Variants in CNR2 observed in about 807,000 individuals in gnomAD.
CNR2 encodes the protein cannabinoid receptor 2.
For synonymous variants in CNR2, 172 were observed against 182.2 expected, an observed-to-expected ratio of 0.94 and a Z score of 0.45; for missense variants, 379 against 439.9, an observed-to-expected ratio of 0.86 and a Z score of 1.24.
chr1:23,871,154 C>CAAAAAAAAAAA lies in CNR2; in HGVS notation c.*3370_*3380dup, dbSNP rs34781596. 1.4e-4 allele frequency: 8 copies of CAAAAAAAAAAA among 58,794 alleles called. No individual in the cohort carries two copies. Among genetic ancestry groups the CAAAAAAAAAAA allele is most frequent in the East Asian group, 5.5e-4 (1 of 1,826 alleles). 3.6% of individuals were successfully genotyped at this position (58,794 alleles called of 1,614,324 possible). ...TGGGTGACAGAGTGAGATTCTATGT[C>CAAAAAAAAAAA]AAAAAAAAAAAAAAAAAAAAAAAAA... is the stretch of plus-strand genomic sequence containing the variant. On this transcript the variant is annotated 3_prime_UTR_variant, in exon 2 of 2. Coordinates refer to ENST00000374472, the MANE Select transcript of CNR2 (RefSeq NM_001841.3).
chr1:23,891,985 TTG>T (rs1292080397), intron 1 of CNR2, among the ~76,000 whole-genome samples: 1 of 152,124 alleles, frequency 6.6e-6, no homozygotes, highest in African/African-American at 2.4e-5. Context: ...GCAAGGCAAT[TTG>T]ATGGCCTCAA....
At chr1:23,897,768 C>T (rs1570716607) in intron 1 of CNR2, among the ~76,000 whole-genome samples, 1 of 151,850 alleles carries the variant, frequency 6.6e-6, no homozygotes, top group East Asian at 1.9e-4. Context: ...CCTGAAGTAA[C>T]ATATTTTTAA....
intron 1 of CNR2, among the ~76,000 whole-genome samples, chr1:23,890,233 C>T (rs2502958): frequency 0.85 from 122,292 of 144,356 alleles, 51,774 homozygotes; most frequent in Middle Eastern, 0.87. Context: ...TGCTCTAGCC[C>T]GGGCTACAGA....
At chr1:23,897,481 A>ATTTTTTTTTTTTTTT (rs35662001) in intron 1 of CNR2, among the ~76,000 whole-genome samples, 4 of 149,902 alleles carry the variant, frequency 2.7e-5, no homozygotes, top group African/African-American at 9.9e-5. Flanking sequence ...TGTTAATAGA[A>ATTTTTTTTTTTTTTT]TTTTTTTTTT....
At chr1:23,905,076 C>A (rs1359656436) in intron 1 of CNR2, among the ~76,000 whole-genome samples, 1 of 152,154 alleles carries the variant, frequency 6.6e-6, no homozygotes, top group Non-Finnish European at 1.5e-5. Context: ...AGGCTCAGCT[C>A]TTGAAACACT....
In CNR2 at chr1:23,905,164, CACTTA is replaced by C. The variant is rs575887805; in HGVS notation, c.-46+8077_-46+8081del. On this transcript the variant is annotated intron_variant, in intron 1 of 1. Transcript: ENST00000374472. ...ACCGTGTGTCAGGCACTATTCTCTG[CACTTA>C]ACTTTTCTTTTCTTTTCTTTCTTTT... Among the ~76,000 whole-genome samples the C allele has an allele frequency of 5.1e-3, 769 of 151,640 alleles. 4 individuals are homozygous for C. The highest frequency in any genetic ancestry group is 0.018 in the African/African-American group (742 of 41,214).
chr1:23,880,764 G>A (rs184545295), intron 1 of CNR2, among the ~76,000 whole-genome samples: 209 of 150,920 alleles, frequency 1.4e-3, no homozygotes, highest in African/African-American at 4.8e-3. Flanking sequence ...TAGAGATGGC[G>A]TTTCACCATG....
chr1:23,908,054 C>T (rs1352931546), intron 1 of CNR2, among the ~76,000 whole-genome samples: 3 of 130,214 alleles, frequency 2.3e-5, no homozygotes, highest in Non-Finnish European at 3.1e-5. Context: ...GATCTTGGCT[C>T]ACTGCAACCT....
chr1:23,874,762 T>C lies in CNR2; in HGVS notation c.856A>G (p.Met286Val), dbSNP rs1557521037. 5 of 1,614,102 alleles carry C rather than the reference T, an allele frequency of 3.1e-6. No individual in the cohort carries two copies. The highest frequency in any genetic ancestry group is 3.4e-6 in the Non-Finnish European group (4 of 1,179,996). ...QVKKAFAFCS[M>V]LCLINSMVNP... is the part of the protein sequence containing the mutation. The stretch of plus-strand genomic sequence containing the variant: ...ACCATGGAGTTGATGAGGCACAGCA[T>C]GGAGCAGAAAGCAAAGGCCTTCTTG... The change falls in exon 2 of 2, where the codon ATG (methionine) becomes GTG (valine). Residue 286 changes from methionine (M) to valine (V), a missense_variant. Coordinates refer to ENST00000374472, the MANE Select transcript of CNR2 (RefSeq NM_001841.3).
chr1:23,876,698 G>A (rs1395421109), intron 1 of CNR2, among the ~76,000 whole-genome samples: 2 of 151,942 alleles, frequency 1.3e-5, no homozygotes, highest in Non-Finnish European at 1.5e-5. Context: ...AGCTGGGCGT[G>A]ATGGCACGTG....
intron 1 of CNR2, among the ~76,000 whole-genome samples, chr1:23,889,627 C>T (rs887484738): frequency 1.3e-5 from 2 of 152,120 alleles, no homozygotes; most frequent in East Asian, 1.9e-4. Context: ...CCTGACCATC[C>T]GGGCCTTTCT....
intron 1 of CNR2, among the ~76,000 whole-genome samples, chr1:23,909,906 G>C (rs534275947): frequency 6.6e-6 from 1 of 151,628 alleles, no homozygotes; most frequent in Admixed American, 6.6e-5. Context: ...GATTGACCTG[G>C]ACTTGAGTCT....
rs934350441 is a variant in CNR2, at chr1:23,872,428, G to A, written c.*2107C>T. ...TAATACGGGGCCATTTAATAAAATG[G>A]AGTATATTGAGAATCTACGATGAGT... On this transcript the variant is annotated 3_prime_UTR_variant, in exon 2 of 2. Transcript: ENST00000374472. 6.6e-6 allele frequency: 1 copy of A among 151,968 alleles called. No individual in the cohort carries two copies. Among genetic ancestry groups the A allele is most frequent in the Non-Finnish European group, 1.5e-5 (1 of 68,018 alleles). 9.4% of individuals were successfully genotyped at this position (151,968 alleles called of 1,614,324 possible).
chr1:23,884,085 T>A (rs1640041772), intron 1 of CNR2, among the ~76,000 whole-genome samples: 1 of 150,332 alleles, frequency 6.7e-6, no homozygotes, highest in African/African-American at 2.5e-5. Context: ...CTTTTTTTGT[T>A]TTTGTTTTTT....
chr1:23,870,749 A>G lies in CNR2; in HGVS notation c.*3786T>C, dbSNP rs1157274884. The G allele has an allele frequency of 6.6e-6, 1 of 152,210 alleles. No individual in the cohort carries two copies. Among genetic ancestry groups the G allele is most frequent in the Non-Finnish European group, 1.5e-5 (1 of 68,080 alleles). 9.4% of individuals were successfully genotyped at this position (152,210 alleles called of 1,614,324 possible). On this transcript the variant is annotated 3_prime_UTR_variant, in exon 2 of 2. Coordinates refer to ENST00000374472, the MANE Select transcript of CNR2 (RefSeq NM_001841.3). ...TTGTCTCCCTGAGCAAGTCTTGTCCACTGTCTGGGCCCATTTCCTCAACCA... is the reference window on the plus strand; with the variant it reads ...TTGTCTCCCTGAGCAAGTCTTGTCCGCTGTCTGGGCCCATTTCCTCAACCA...
At chr1:23,902,716 C>G in intron 1 of CNR2, 4 of 1,584,022 alleles carry the variant, frequency 2.5e-6, no homozygotes, top group Non-Finnish European at 3.4e-6. Flanking sequence ...AACATGAGCG[C>G]GTTCCTCTCG....
intron 1 of CNR2, among the ~76,000 whole-genome samples, chr1:23,886,582 A>G (rs977786692): frequency 6.6e-6 from 1 of 152,210 alleles, no homozygotes; most frequent in African/African-American, 2.4e-5. Context: ...TCCCTCTTCT[A>G]GGGTGGATTC....
chr1:23,886,743 G>A (rs1029188576), intron 1 of CNR2, among the ~76,000 whole-genome samples: 1 of 152,184 alleles, frequency 6.6e-6, no homozygotes, highest in African/African-American at 2.4e-5. Context: ...GTCCAAGAAT[G>A]GGGATATAAT....
chr1:23,901,703 C>A (rs1323344191), intron 1 of CNR2: 1 of 1,420,132 alleles, frequency 7.0e-7, no homozygotes, highest in African/African-American at 1.4e-5. Context: ...GTTACTGGAT[C>A]TGTCCGACAT....
Sources: gnomAD v4.1 joint callset for allele counts (sites outside exome capture counted in the v4.1 genomes callset) on GRCh38, gnomAD v4.1.1 for gene constraint, MANE v1.5 for transcripts, NCBI Gene and HGNC (gene_info 2026-07-23, HGNC 2026-07-21) for gene names.